Variants in CDH18 observed in about 807,000 individuals in gnomAD.
CDH18 encodes cadherin 18, also known as cadherin-18.
CDH18 carries 31 observed loss-of-function variants against 67.9 expected under a neutral mutation model. The ratio of observed to expected loss-of-function variants is 0.46; its 90% CI spans 0.34 to 0.62. The LOEUF is 0.62. Ranked by LOEUF, CDH18 falls within the 20% of genes least tolerant of loss-of-function variation. CDH18 has a pLI of 0.01. For missense variants in CDH18, 890 were observed against 975.5 expected (o/e 0.91, Z 1.17); for synonymous variants, 362 against 347.2 (o/e 1.04, Z -0.48).
At chr5:19,480,867 C>T (rs1579693606) in intron 12 of CDH18, among the ~76,000 whole-genome samples, 1 of 152,236 alleles carries the variant, frequency 6.6e-6, no homozygotes, top group East Asian at 1.9e-4. Flanking sequence ...CCTCTCATCT[C>T]AGCCTCTCAA....
At chr5:20,311,910 C>T (rs1316182727) in intron 1 of CDH18, among the ~76,000 whole-genome samples, 1 of 152,104 alleles carries the variant, frequency 6.6e-6, no homozygotes, top group Non-Finnish European at 1.5e-5. Flanking sequence ...TTGAAGGAGT[C>T]TTACTCCATC....
chr5:19,943,097 C>T (rs74775078), intron 2 of CDH18, among the ~76,000 whole-genome samples: 1,839 of 152,168 alleles, frequency 0.012, 52 homozygotes, highest in African/African-American at 0.042. Context: ...TAATAATTCC[C>T]AAAGTGTGTT....
rs532491438 is a variant in CDH18 at position 19,586,008 on chromosome 5, T to C, written c.999+5049A>G. Among the ~76,000 whole-genome samples the C allele has an allele frequency of 1.4e-4, 22 of 152,226 alleles. No homozygotes were observed. In the South Asian group the frequency reaches 4.6e-3, roughly 32 times the overall value. The stretch of plus-strand genomic sequence containing the variant: ...CGTTGTGATTCAGTTTCTTTAGCTA[T>C]AAAGCGGGGATAATAACACTCTCTT... On this transcript the variant is annotated intron_variant, in intron 7 of 12. Coordinates refer to ENST00000382275, the MANE Select transcript of CDH18 (RefSeq NM_004934.5).
chr5:19,905,966 C>T (rs890141810), intron 2 of CDH18, among the ~76,000 whole-genome samples: 6 of 151,986 alleles, frequency 3.9e-5, no homozygotes, highest in African/African-American at 1.2e-4. Flanking sequence ...TCTAGATATC[C>T]TGAAGCTAGT....
At chr5:20,439,363 GT>G (rs1749427910) in intron 1 of CDH18, among the ~76,000 whole-genome samples, 1 of 151,482 alleles carries the variant, frequency 6.6e-6, no homozygotes, top group Admixed American at 6.6e-5. Flanking sequence ...GTAAACTATT[GT>G]TTTGAAGGAT....
chr5:20,441,174 A>G (rs1034951645), intron 1 of CDH18, among the ~76,000 whole-genome samples: 2 of 152,014 alleles, frequency 1.3e-5, no homozygotes, highest in Middle Eastern at 3.4e-3. Flanking sequence ...AGAAAGAACA[A>G]TTGTTCCATT....
At chr5:20,060,904 T>C (rs1461126722) in intron 2 of CDH18, among the ~76,000 whole-genome samples, 2 of 151,786 alleles carry the variant, frequency 1.3e-5, no homozygotes, top group Non-Finnish European at 2.9e-5. Flanking sequence ...TTGACACAAA[T>C]GATATTTTTC....
intron 2 of CDH18, among the ~76,000 whole-genome samples, chr5:19,923,411 CG>C: frequency 6.6e-6 from 1 of 152,104 alleles, no homozygotes; most frequent in East Asian, 1.9e-4. Context: ...TGCTTGATAC[CG>C]GTAAGTATGG....
chr5:20,136,180 T>C (rs1749699655), intron 2 of CDH18, among the ~76,000 whole-genome samples: 1 of 152,174 alleles, frequency 6.6e-6, no homozygotes, highest in Admixed American at 6.6e-5. Flanking sequence ...CTGTCTAATG[T>C]TGACAGTGGG....
chr5:19,615,811 T>C (rs912594938), intron 5 of CDH18, among the ~76,000 whole-genome samples: 1 of 152,216 alleles, frequency 6.6e-6, no homozygotes, highest in African/African-American at 2.4e-5. Context: ...TTGATTTCTT[T>C]TACTTAGTCA....
intron 2 of CDH18, among the ~76,000 whole-genome samples, chr5:20,110,263 G>C (rs550826539): frequency 1.3e-5 from 2 of 152,296 alleles, no homozygotes; most frequent in South Asian, 4.1e-4. Context: ...GTCATCTTTA[G>C]AGTTTTACAG....
At chr5:20,010,656 C>G (rs1399665583) in intron 2 of CDH18, among the ~76,000 whole-genome samples, 3 of 152,132 alleles carry the variant, frequency 2.0e-5, no homozygotes, top group Non-Finnish European at 2.9e-5. Context: ...CCATACTTTT[C>G]TTAAGTTCTG....
chr5:20,205,133 C>A lies in CDH18; in HGVS notation c.-518+50311G>T, dbSNP rs150508739. 7.3e-3 allele frequency among the ~76,000 whole-genome samples: 1,115 copies of A among 151,862 alleles called. 8 individuals carry two copies. The highest frequency in any genetic ancestry group is 0.01 in the Middle Eastern group (3 of 294). ...TAGAGTGGCTAAATGAATATAGGAA[C>A]AAGAACCCACTTAACCTATAAATGC... On this transcript the variant is annotated intron_variant, in intron 2 of 14. Transcript: ENST00000507958.
intron 2 of CDH18, among the ~76,000 whole-genome samples, chr5:19,848,717 C>G (rs1362828349): frequency 6.6e-6 from 1 of 151,680 alleles, no homozygotes; most frequent in African/African-American, 2.4e-5. Flanking sequence ...TAATGTAGGA[C>G]TGGTTTGAGG....
chr5:20,249,313 T>C (rs1167479511), intron 2 of CDH18, among the ~76,000 whole-genome samples: 1 of 152,082 alleles, frequency 6.6e-6, no homozygotes, highest in Non-Finnish European at 1.5e-5. Flanking sequence ...AATAAATTTT[T>C]TTATTTAATT....
chr5:20,402,493 C>T (rs967192851), intron 1 of CDH18, among the ~76,000 whole-genome samples: 25 of 152,226 alleles, frequency 1.6e-4, no homozygotes, highest in African/African-American at 3.4e-4. Context: ...ATCACAGATT[C>T]GGTTTCAGAT....
At chr5:19,709,067 T>C (rs1416781430) in intron 5 of CDH18, among the ~76,000 whole-genome samples, 2 of 152,036 alleles carry the variant, frequency 1.3e-5, no homozygotes, top group Non-Finnish European at 2.9e-5. Context: ...GTTGGTAAAT[T>C]CCTCTTATTA....
chr5:20,037,667 C>T (rs1464018402), intron 2 of CDH18, among the ~76,000 whole-genome samples: 4 of 152,036 alleles, frequency 2.6e-5, no homozygotes, highest in African/African-American at 9.7e-5. Flanking sequence ...ACAACAAAGA[C>T]ACAACATACC....
chr5:20,080,028 T>A (rs1744312754), intron 2 of CDH18, among the ~76,000 whole-genome samples: 1 of 152,050 alleles, frequency 6.6e-6, no homozygotes, highest in Non-Finnish European at 1.5e-5. Context: ...CCAAATAACA[T>A]CACATTGGCA....
Sources: gnomAD v4.1 joint callset for allele counts (sites outside exome capture counted in the v4.1 genomes callset) on GRCh38, gnomAD v4.1.1 for gene constraint, MANE v1.5 for transcripts, NCBI Gene and HGNC (gene_info 2026-07-23, HGNC 2026-07-21) for gene names.